The following NRG3 variants were observed in gnomAD, a reference collection of about 807,000 sequenced individuals.
NRG3 encodes the protein pro-neuregulin-3, membrane-bound isoform.
NRG3 carries 31 observed loss-of-function variants against 66.9 expected under a neutral mutation model. The observed-to-expected ratio is 0.46, with a 90% CI of 0.35 to 0.63. The LOEUF (loss-of-function observed/expected upper bound fraction) is 0.63. Ranked by LOEUF, NRG3 falls within the 20% of genes least tolerant of loss-of-function variation. The probability of loss-of-function intolerance (pLI) is 0.00; values close to 1 mark genes in which losing one functional copy is unlikely to be tolerated. For synonymous variants in NRG3, 393 were observed against 359.4 expected (o/e 1.09, Z -1.06); for missense variants, 910 against 878.9 (o/e 1.04, Z -0.45).
intron 2 of NRG3, among the ~76,000 whole-genome samples, chr10:82,379,537 A>C (rs1262802083): frequency 6.6e-6 from 1 of 152,214 alleles, no homozygotes; most frequent in Admixed American, 6.5e-5. Context: ...CTGGACTATT[A>C]TGAGGATTAA....
In NRG3 at chr10:82,078,155, CTTG is replaced by C. The variant is rs563195747; in HGVS notation, c.823+201995_823+201997del. ...TTTTTAATTATTCTATTTACCTACT[CTTG>C]TTATGTAAGTGTGGTATGTGTATTA... On this transcript the variant is annotated intron_variant, in intron 1 of 8. Transcript: ENST00000372141. Among the ~76,000 whole-genome samples the C allele has an allele frequency of 3.9e-5, 6 of 152,160 alleles. No individual in the cohort carries two copies. In the South Asian group the frequency reaches 1.2e-3, roughly 32 times the overall value.
intron 1 of NRG3, among the ~76,000 whole-genome samples, chr10:81,918,488 G>A (rs187336177): frequency 1.3e-5 from 2 of 152,168 alleles, no homozygotes; most frequent in Admixed American, 1.3e-4. Context: ...AGAAATACAA[G>A]GCCATTTATT....
chr10:82,114,210 T>A (rs1396346480), intron 1 of NRG3, among the ~76,000 whole-genome samples: 1 of 152,180 alleles, frequency 6.6e-6, no homozygotes, highest in Admixed American at 6.5e-5. Flanking sequence ...ATTTTGTTCA[T>A]TCATCTCTTA....
intron 1 of NRG3, among the ~76,000 whole-genome samples, chr10:82,298,436 A>G (rs867268288): frequency 5.3e-5 from 8 of 152,190 alleles, no homozygotes; most frequent in Non-Finnish European, 1.0e-4. Context: ...TCTAGTGAAT[A>G]TATGAGCTCA....
intron 1 of NRG3, among the ~76,000 whole-genome samples, chr10:81,900,818 A>C: frequency 6.6e-6 from 1 of 152,234 alleles, no homozygotes; most frequent in East Asian, 1.9e-4. Flanking sequence ...TTATTTATGC[A>C]GAAATATAGC....
intron 1 of NRG3, among the ~76,000 whole-genome samples, chr10:82,029,301 G>T (rs2132858982): frequency 6.6e-6 from 1 of 152,226 alleles, no homozygotes; most frequent in South Asian, 2.1e-4. Flanking sequence ...TTTCTCTGAA[G>T]AAGTATTCCT....
At chr10:82,057,172 C>A (rs2063885364) in intron 1 of NRG3, among the ~76,000 whole-genome samples, 1 of 152,022 alleles carries the variant, frequency 6.6e-6, no homozygotes, top group African/African-American at 2.4e-5. Flanking sequence ...GTATTTTCTT[C>A]AGATATTTTT....
chr10:81,987,521 A>C (rs1044185905), intron 1 of NRG3, among the ~76,000 whole-genome samples: 1 of 152,248 alleles, frequency 6.6e-6, no homozygotes, highest in Admixed American at 6.5e-5. Context: ...CTGATGTGAG[A>C]AATGACAGTC....
intron 1 of NRG3, among the ~76,000 whole-genome samples, chr10:82,057,518 G>A (rs1193946764): frequency 6.6e-6 from 1 of 151,988 alleles, no homozygotes; most frequent in Non-Finnish European, 1.5e-5. Flanking sequence ...AATTGTTGGG[G>A]TAATTTTTAG....
intron 1 of NRG3, among the ~76,000 whole-genome samples, chr10:82,112,793 T>C (rs17559044): frequency 0.034 from 5,141 of 152,174 alleles, 127 homozygotes; most frequent in Non-Finnish European, 0.049. Context: ...TTTTGCCAGG[T>C]CGTGACCATG....
At chr10:82,517,666 TGTGCATG>T (rs2132507824) in intron 2 of NRG3, among the ~76,000 whole-genome samples, 1 of 109,396 alleles carries the variant, frequency 9.1e-6, no homozygotes, top group African/African-American at 5.2e-5. Flanking sequence ...TGTGTGTGTG[TGTGCATG>T]TGTGTGTGTG....
intron 1 of NRG3, among the ~76,000 whole-genome samples, chr10:82,250,251 A>C (rs1027734099): frequency 3.3e-5 from 5 of 152,136 alleles, no homozygotes; most frequent in African/African-American, 1.2e-4. Context: ...GGTTTTTAAA[A>C]ATTTTTATTT....
chr10:82,200,742 CT>C (rs1166627862), intron 1 of NRG3, among the ~76,000 whole-genome samples: 23 of 152,228 alleles, frequency 1.5e-4, no homozygotes, highest in African/African-American at 4.8e-4. Flanking sequence ...TTTCTTTATC[CT>C]CTGAAGTAAA....
intron 1 of NRG3, among the ~76,000 whole-genome samples, chr10:81,917,416 AAT>A (rs1263108966): frequency 7.2e-5 from 11 of 152,176 alleles, no homozygotes; most frequent in Non-Finnish European, 2.9e-5. Context: ...AGCTCCTCAA[AAT>A]ATGTTTCAAA....
At position 82,420,982 on chromosome 10, in the gene NRG3, G is replaced by A. The variant is rs2089021533; in HGVS notation, c.953+62114G>A. 2.0e-5 allele frequency among the ~76,000 whole-genome samples: 3 copies of A among 152,216 alleles called. No homozygotes were observed. The South Asian group carries it at 6.2e-4, about 32-fold the overall frequency. Reference sequence around the variant, plus strand: ...TTGGAGATTGCCAGGGATTGGCAGTGACAGAAGGGTGTGTTAATTACAGGG... The same window carrying A: ...TTGGAGATTGCCAGGGATTGGCAGTAACAGAAGGGTGTGTTAATTACAGGG... On this transcript the variant is annotated intron_variant, in intron 2 of 8. Transcript: ENST00000372141.
At chr10:82,579,869 T>G (rs969255224) in intron 2 of NRG3, among the ~76,000 whole-genome samples, 2 of 151,926 alleles carry the variant, frequency 1.3e-5, no homozygotes, top group African/African-American at 4.8e-5. Flanking sequence ...ATAGTCAAAA[T>G]TTTGGGTCAA....
chr10:82,905,523 TG>T (rs746373134), intron 4 of NRG3, among the ~76,000 whole-genome samples: 2 of 152,208 alleles, frequency 1.3e-5, no homozygotes, highest in Non-Finnish European at 2.9e-5. Flanking sequence ...CATTGTTTTT[TG>T]TTTATTTTGT....
At chr10:82,756,758 GGTTTTCAGGAATATAT>G in intron 3 of NRG3, among the ~76,000 whole-genome samples, 1 of 151,556 alleles carries the variant, frequency 6.6e-6, no homozygotes, top group South Asian at 2.1e-4. Context: ...TTGGAGAGAA[GGTTTTCAGGAATATAT>G]TCATTCAGTC....
intron 4 of NRG3, among the ~76,000 whole-genome samples, chr10:82,939,045 T>C (rs1333647587): frequency 6.6e-6 from 1 of 152,244 alleles, no homozygotes; most frequent in Non-Finnish European, 1.5e-5. Flanking sequence ...GGTTGCTTTT[T>C]ACTTATAATT....
Sources: gnomAD v4.1 joint callset for allele counts (sites outside exome capture counted in the v4.1 genomes callset) on GRCh38, gnomAD v4.1.1 for gene constraint, MANE v1.5 for transcripts, NCBI Gene and HGNC (gene_info 2026-07-23, HGNC 2026-07-21) for gene names.